The following SLC4A4 variants were observed in gnomAD, a reference collection of about 807,000 sequenced individuals.
SLC4A4 encodes solute carrier family 4 member 4, also known as electrogenic sodium bicarbonate cotransporter 1.
In SLC4A4, 27 loss-of-function variants were observed where a neutral mutation model predicts 111.5. The observed-to-expected ratio is 0.24, with a 90% CI of 0.18 to 0.33. SLC4A4 has a LOEUF of 0.33. Ranked by LOEUF, SLC4A4 falls within the 10% of genes least tolerant of loss-of-function variation. The pLI, the probability that SLC4A4 is intolerant of heterozygous loss-of-function variation, is 1.00. For synonymous variants in SLC4A4, 443 were observed against 463.4 expected, an observed-to-expected ratio of 0.96 and a Z score of 0.57; for missense variants, 909 against 1,315.5, an observed-to-expected ratio of 0.69 and a Z score of 4.78.
At chr4:71,245,032 T>C (rs1441902971) in intron 2 of SLC4A4, among the ~76,000 whole-genome samples, 1 of 152,110 alleles carries the variant, frequency 6.6e-6, no homozygotes, top group East Asian at 1.9e-4. Context: ...AGAATAACAT[T>C]AAATTGAGAC....
chr4:71,252,609 G>A (rs1455977748), intron 2 of SLC4A4, among the ~76,000 whole-genome samples: 1 of 152,146 alleles, frequency 6.6e-6, no homozygotes. Context: ...CTCATCCAGG[G>A]AATATTGTAT....
At chr4:71,523,787 A>G (rs1268709670) in intron 16 of SLC4A4, among the ~76,000 whole-genome samples, 4 of 152,122 alleles carry the variant, frequency 2.6e-5, no homozygotes, top group Non-Finnish European at 4.4e-5. Flanking sequence ...TTGTAAAACC[A>G]TCTTCTTTTT....
intron 7 of SLC4A4, among the ~76,000 whole-genome samples, chr4:71,420,656 C>A (rs1045187570): frequency 6.6e-6 from 1 of 152,042 alleles, no homozygotes; most frequent in Non-Finnish European, 1.5e-5. Context: ...ACCCTACAAG[C>A]CAGAAGAGAG....
chr4:71,295,930 G>A (rs1724752202), intron 3 of SLC4A4, among the ~76,000 whole-genome samples: 1 of 151,552 alleles, frequency 6.6e-6, no homozygotes, highest in Non-Finnish European at 1.5e-5. Flanking sequence ...AAAGTGCTGG[G>A]ATTACAGTCA....
intron 12 of SLC4A4, among the ~76,000 whole-genome samples, chr4:71,460,770 G>A (rs1726746970): frequency 1.3e-5 from 2 of 152,104 alleles, no homozygotes; most frequent in South Asian, 2.1e-4. Flanking sequence ...CACATTTGGG[G>A]CACATGGGAA....
chr4:71,428,963 G>A (rs1419507030), intron 7 of SLC4A4, among the ~76,000 whole-genome samples: 2 of 152,040 alleles, frequency 1.3e-5, no homozygotes, highest in Admixed American at 1.3e-4. Flanking sequence ...TAGATTTAAA[G>A]GACAAATTGT....
chr4:71,130,897 A>G (rs991703528), intron 2 of SLC4A4, among the ~76,000 whole-genome samples: 3 of 152,094 alleles, frequency 2.0e-5, no homozygotes, highest in Non-Finnish European at 4.4e-5. Context: ...CTGTGAGAGG[A>G]GGTTGTGTGA....
intron 7 of SLC4A4, among the ~76,000 whole-genome samples, chr4:71,417,091 A>G (rs998029349): frequency 6.6e-6 from 1 of 152,224 alleles, no homozygotes; most frequent in African/African-American, 2.4e-5. Context: ...TAAAGATGCC[A>G]CAACACAGGT....
chr4:71,449,520 C>A (rs908463086), intron 9 of SLC4A4, among the ~76,000 whole-genome samples: 1 of 152,128 alleles, frequency 6.6e-6, no homozygotes, highest in African/African-American at 2.4e-5. Context: ...CCCCACAACC[C>A]CCAGACTGTT....
chr4:71,443,532 T>C (rs1446412005), intron 8 of SLC4A4, among the ~76,000 whole-genome samples: 1 of 152,120 alleles, frequency 6.6e-6, no homozygotes, highest in Admixed American at 6.5e-5. Context: ...AAAGGGAAGA[T>C]TCAGCATCAG....
intron 16 of SLC4A4, among the ~76,000 whole-genome samples, chr4:71,526,624 A>G (rs1733445024): frequency 6.6e-6 from 1 of 152,112 alleles, no homozygotes; most frequent in South Asian, 2.1e-4. Flanking sequence ...ATTAGTTTCT[A>G]TGGCTGTTTT....
intron 2 of SLC4A4, among the ~76,000 whole-genome samples, chr4:71,253,345 G>T (rs994958003): frequency 6.6e-6 from 1 of 152,060 alleles, no homozygotes; most frequent in African/African-American, 2.4e-5. Flanking sequence ...GTACTATGCA[G>T]ATTTGGGTAA....
At chr4:71,350,559 A>G (rs926121301) in intron 5 of SLC4A4, among the ~76,000 whole-genome samples, 7 of 152,078 alleles carry the variant, frequency 4.6e-5, no homozygotes, top group African/African-American at 1.7e-4. Context: ...CAGATGCATG[A>G]AAAGTGTGGG....
intron 1 of SLC4A4, among the ~76,000 whole-genome samples, chr4:71,077,866 T>C (rs1344214675): frequency 6.6e-6 from 1 of 152,180 alleles, no homozygotes; most frequent in Non-Finnish European, 1.5e-5. Flanking sequence ...TTAAGCATTT[T>C]CCCATACATT....
chr4:71,533,237 CATTT>C (rs1485708767), intron 17 of SLC4A4, among the ~76,000 whole-genome samples: 1 of 152,088 alleles, frequency 6.6e-6, no homozygotes, highest in African/African-American at 2.4e-5. Context: ...ACCATTAATT[CATTT>C]GAGTTAATAT....
In SLC4A4 at chr4:71,299,991, T is replaced by C. The variant is rs546020179; in HGVS notation, c.254-39379T>C. ...CTCAGGCCCAGGTATTGATGTTTTC[T>C]TAATTCTTTAGTCTGGAAGAACTTG... is the stretch of plus-strand genomic sequence containing the variant. On this transcript the variant is annotated intron_variant, in intron 3 of 25. Coordinates refer to ENST00000264485, the MANE Select transcript of SLC4A4 (RefSeq NM_001098484.3). 8.5e-5 allele frequency among the ~76,000 whole-genome samples: 13 copies of C among 152,250 alleles called. No individual in the cohort carries two copies. The East Asian group carries it at 2.3e-3, about 27-fold the overall frequency.
intron 14 of SLC4A4, among the ~76,000 whole-genome samples, chr4:71,478,518 A>G (rs1560543723): frequency 1.3e-5 from 2 of 151,858 alleles, no homozygotes; most frequent in Non-Finnish European, 2.9e-5. Flanking sequence ...ACAGAAAACC[A>G]AATACCACAC....
chr4:71,509,974 G>A (rs977600388), intron 16 of SLC4A4, among the ~76,000 whole-genome samples: 2 of 152,164 alleles, frequency 1.3e-5, no homozygotes, highest in African/African-American at 4.8e-5. Context: ...AGTTAGTCCA[G>A]TTTAAAGATG....
At chr4:71,368,314 A>C (rs1731526379) in intron 6 of SLC4A4, among the ~76,000 whole-genome samples, 1 of 152,218 alleles carries the variant, frequency 6.6e-6, no homozygotes, top group South Asian at 2.1e-4. Context: ...AAGATTTGGC[A>C]TAGGTGCACC....
Sources: gnomAD v4.1 joint callset for allele counts (sites outside exome capture counted in the v4.1 genomes callset) on GRCh38, gnomAD v4.1.1 for gene constraint, MANE v1.5 for transcripts, NCBI Gene and HGNC (gene_info 2026-07-23, HGNC 2026-07-21) for gene names.